The following HEMK2 variants were observed in gnomAD, a reference collection of about 807,000 sequenced individuals.
HEMK2 encodes methyltransferase HEMK2.
the HEMK2 span, among the ~76,000 whole-genome samples, chr21:28,744,701 T>C: frequency 1.3e-5 from 2 of 152,250 alleles, no homozygotes; most frequent in Non-Finnish European, 2.9e-5. Context: ...TTATTTCATT[T>C]GATAATCACC....
the HEMK2 span, among the ~76,000 whole-genome samples, chr21:28,825,191 T>A: frequency 6.6e-6 from 1 of 152,146 alleles, no homozygotes; most frequent in South Asian, 2.1e-4. Context: ...GAAGGGGCTC[T>A]CAAACTTGAG....
chr21:28,649,316 G>A, the HEMK2 span, among the ~76,000 whole-genome samples: 11 of 152,304 alleles, frequency 7.2e-5, no homozygotes, highest in Non-Finnish European at 1.3e-4. Context: ...GAAAGAATGA[G>A]GGTGGAAAGG....
At chr21:28,675,931 C>A in the HEMK2 span, among the ~76,000 whole-genome samples, 1 of 152,174 alleles carries the variant, frequency 6.6e-6, no homozygotes, top group Non-Finnish European at 1.5e-5. Context: ...GTTCTTTCTT[C>A]TCTTGGGCCA....
At chr21:28,715,795 T>G in the HEMK2 span, among the ~76,000 whole-genome samples, 2 of 152,230 alleles carry the variant, frequency 1.3e-5, no homozygotes, top group African/African-American at 4.8e-5. Flanking sequence ...AAGTCTTTAA[T>G]CTATCTTAAG....
chr21:28,739,211 A>G, the HEMK2 span, among the ~76,000 whole-genome samples: 1 of 152,142 alleles, frequency 6.6e-6, no homozygotes, highest in African/African-American at 2.4e-5. Flanking sequence ...TTCATTTTCT[A>G]TTGCTGAACC....
the HEMK2 span, among the ~76,000 whole-genome samples, chr21:28,650,192 C>T: frequency 2.0e-5 from 3 of 152,164 alleles, no homozygotes; most frequent in South Asian, 4.1e-4. Context: ...GTCAGGAGTT[C>T]GAGACTAGCC....
At chr21:28,618,282 G>A in the HEMK2 span, among the ~76,000 whole-genome samples, 2 of 152,022 alleles carry the variant, frequency 1.3e-5, no homozygotes, top group East Asian at 1.9e-4. Context: ...AAAGTAAAAT[G>A]TTCAGGTTTT....
the HEMK2 span, among the ~76,000 whole-genome samples, chr21:28,606,139 G>C: frequency 2.0e-5 from 3 of 152,074 alleles, no homozygotes; most frequent in African/African-American, 7.2e-5. Flanking sequence ...CAAATTTTGA[G>C]TTGTAACAGT....
the HEMK2 span, among the ~76,000 whole-genome samples, chr21:28,691,661 C>T: frequency 2.6e-5 from 4 of 151,994 alleles, no homozygotes; most frequent in Non-Finnish European, 5.9e-5. Context: ...CTAGGATTAA[C>T]GATATTTTAA....
At chr21:28,695,175 C>T in the HEMK2 span, among the ~76,000 whole-genome samples, 1 of 151,988 alleles carries the variant, frequency 6.6e-6, no homozygotes, top group Non-Finnish European at 1.5e-5. Flanking sequence ...AATAATGAAC[C>T]AGTGAAAAAA....
chr21:28,766,641 G>A, the HEMK2 span, among the ~76,000 whole-genome samples: 16 of 151,830 alleles, frequency 1.1e-4, no homozygotes, highest in South Asian at 2.1e-4. Flanking sequence ...AAGAAAATAC[G>A]GTATATATAC....
chr21:28,838,574 C>T, the HEMK2 span, among the ~76,000 whole-genome samples: 1 of 150,920 alleles, frequency 6.6e-6, no homozygotes, highest in Non-Finnish European at 1.5e-5. Flanking sequence ...TACATACAGA[C>T]CAACATCCTT....
At chr21:28,759,365 C>A in the HEMK2 span, among the ~76,000 whole-genome samples, 1 of 152,276 alleles carries the variant, frequency 6.6e-6, no homozygotes, top group Admixed American at 6.5e-5. Context: ...CAATTTCTCC[C>A]ATTTGGAACA....
chr21:28,689,034 C>G, the HEMK2 span, among the ~76,000 whole-genome samples: 2 of 152,156 alleles, frequency 1.3e-5, no homozygotes, highest in Non-Finnish European at 2.9e-5. Context: ...TGGCCTTGTA[C>G]AGGGAGAGTC....
At chr21:28,701,845 T>C in the HEMK2 span, among the ~76,000 whole-genome samples, 1 of 152,142 alleles carries the variant, frequency 6.6e-6, no homozygotes, top group Non-Finnish European at 1.5e-5. Context: ...GAAATTCATA[T>C]GGAACCAAAA....
the HEMK2 span, among the ~76,000 whole-genome samples, chr21:28,716,838 AGC>A: frequency 2.0e-5 from 3 of 152,156 alleles, no homozygotes; most frequent in Non-Finnish European, 2.9e-5. Flanking sequence ...TTTATGAAAA[AGC>A]TTTTCTGTGT....
chr21:28,576,405 G>C, the HEMK2 span, among the ~76,000 whole-genome samples: 1 of 151,894 alleles, frequency 6.6e-6, no homozygotes, highest in Non-Finnish European at 1.5e-5. Flanking sequence ...ATCTCTTTCA[G>C]TTTTTTTCCC....
the HEMK2 span, chr21:28,876,106 A>T: frequency 4.5e-6 from 1 of 221,238 alleles, no homozygotes. Context: ...AAAAAAAGAC[A>T]TTTGCCAGAT....
At chr21:28,753,310 T>C in the HEMK2 span, among the ~76,000 whole-genome samples, 7 of 149,962 alleles carry the variant, frequency 4.7e-5, no homozygotes, top group Non-Finnish European at 1.0e-4. Context: ...TGAACTGAGA[T>C]TGCACCACTG....
Sources: allele counts gnomAD v4.1 joint callset (sites outside exome capture counted in the v4.1 genomes callset), GRCh38; gene constraint gnomAD v4.1.1; transcripts MANE v1.5; gene names NCBI Gene and HGNC (gene_info 2026-07-23, HGNC 2026-07-21).